The following SYTL3 variants were observed in gnomAD, a reference collection of about 807,000 sequenced individuals.
SYTL3 encodes the protein synaptotagmin-like protein 3.
SYTL3 carries 88 observed loss-of-function variants against 82.1 expected under a neutral mutation model. That is an observed-to-expected ratio of 1.07 (90% CI 0.90 to 1.28). SYTL3 has a LOEUF of 1.28. SYTL3 is among the 50% of genes most tolerant of loss of function. The pLI, the probability that SYTL3 is intolerant of heterozygous loss-of-function variation, is 0.00. For synonymous variants in SYTL3, 311 were observed against 289.4 expected, an observed-to-expected ratio of 1.07 and a Z score of -0.76; for missense variants, 831 against 757.6, an observed-to-expected ratio of 1.10 and a Z score of -1.14.
At chr6:158,727,259 C>T (rs1277616341) in intron 11 of SYTL3, among the ~76,000 whole-genome samples, 1 of 152,044 alleles carries the variant, frequency 6.6e-6, no homozygotes, top group East Asian at 1.9e-4. Flanking sequence ...ACTGCAGCCT[C>T]CGCCTCCCAG....
chr6:158,659,685 G>A (rs1335776781), intron 2 of SYTL3, among the ~76,000 whole-genome samples: 1 of 152,132 alleles, frequency 6.6e-6, no homozygotes, highest in East Asian at 1.9e-4. Context: ...TTTTGAGGAT[G>A]TCTTTCTGTA....
At chr6:158,736,887 G>GA (rs2128498573) in intron 11 of SYTL3, among the ~76,000 whole-genome samples, 1 of 152,114 alleles carries the variant, frequency 6.6e-6, no homozygotes, top group African/African-American at 2.4e-5. Context: ...ACAGGAATGA[G>GA]AGGGGATTTG....
At chr6:158,731,895 C>T (rs1056991299) in intron 11 of SYTL3, among the ~76,000 whole-genome samples, 1 of 152,108 alleles carries the variant, frequency 6.6e-6, no homozygotes, top group Non-Finnish European at 1.5e-5. Context: ...GCCTGGCCAA[C>T]ATAACTAAAT....
At chr6:158,752,612 G>A (rs199724087) in intron 13 of SYTL3, among the ~76,000 whole-genome samples, 2 of 152,232 alleles carry the variant, frequency 1.3e-5, no homozygotes, top group East Asian at 3.8e-4. Context: ...CTGATGTCGG[G>A]TGGAAGGCTG....
rs1473863597 is a variant in SYTL3, at chr6:158,749,505, CTCTTTTTTTTTTTT to C, written c.1035-2421_1035-2408del. ...GAAATGAACACCTTCTTTTCTTTCT[CTCTTTTTTTTTTTT>C]TTTTTTTTTTTTTAAGAAATGAGGT... On this transcript the variant is annotated intron_variant, in intron 12 of 17. Coordinates refer to ENST00000611299, the MANE Select transcript of SYTL3 (RefSeq NM_001242394.2). 4.1e-4 allele frequency among the ~76,000 whole-genome samples: 39 copies of C among 94,338 alleles called. 1 individual carries two copies. Among genetic ancestry groups the C allele is most frequent in the East Asian group, 3.6e-3 (16 of 4,402 alleles). The allele number at this position is 94,338 out of a possible 152,430, so 61.9% of individuals were successfully genotyped here.
At chr6:158,749,507 CTTTTTT>C (rs765386344) in intron 12 of SYTL3, among the ~76,000 whole-genome samples, 2 of 66,024 alleles carry the variant, frequency 3.0e-5, no homozygotes, top group Non-Finnish European at 5.5e-5. Context: ...TTCTTTCTCT[CTTTTTT>C]TTTTTTTTTT....
At chr6:158,703,153 T>TAGAAA in intron 6 of SYTL3, among the ~76,000 whole-genome samples, 1 of 94,876 alleles carries the variant, frequency 1.1e-5, no homozygotes, top group Non-Finnish European at 2.1e-5. Context: ...GACTCTGTCT[T>TAGAAA]AAAAAAAAAA....
At chr6:158,651,355 G>T (rs1480591747) in intron 1 of SYTL3, among the ~76,000 whole-genome samples, 1 of 152,130 alleles carries the variant, frequency 6.6e-6, no homozygotes, top group African/African-American at 2.4e-5. Flanking sequence ...CACTTTGGGA[G>T]GCCTAGGCGG....
chr6:158,715,557 C>CA (rs1436134900), intron 9 of SYTL3, among the ~76,000 whole-genome samples: 1 of 144,186 alleles, frequency 6.9e-6, no homozygotes, highest in Non-Finnish European at 1.5e-5. Context: ...AGCAAAACAG[C>CA]AAGCATCCCT....
At chr6:158,724,001 T>C (rs983891791) in intron 10 of SYTL3, among the ~76,000 whole-genome samples, 25 of 152,192 alleles carry the variant, frequency 1.6e-4, no homozygotes, top group African/African-American at 5.3e-4. Context: ...CCTCTCAGGC[T>C]TACCCCAGCC....
intron 5 of SYTL3, among the ~76,000 whole-genome samples, chr6:158,681,483 G>A (rs1223840457): frequency 1.3e-5 from 2 of 152,166 alleles, no homozygotes; most frequent in East Asian, 3.8e-4. Context: ...TTCGAGACCA[G>A]CTTGGCTGAC....
chr6:158,683,722 G>A (rs1778988288), intron 6 of SYTL3, among the ~76,000 whole-genome samples: 1 of 152,218 alleles, frequency 6.6e-6, no homozygotes, highest in South Asian at 2.1e-4. Context: ...TTAAAATCTT[G>A]TTAGCCCATA....
chr6:158,685,532 T>C lies in SYTL3; in HGVS notation c.394+2543T>C, dbSNP rs566271193. On this transcript the variant is annotated intron_variant, in intron 6 of 17. Coordinates refer to ENST00000611299, the MANE Select transcript of SYTL3 (RefSeq NM_001242394.2). ...CACTTTTGTGTTTCTTTAAAATACT[T>C]TTTTGACCGGGCCCGGTGGCTCACA... is the stretch of plus-strand genomic sequence containing the variant. Among the ~76,000 whole-genome samples, 7 of 152,012 alleles carry C rather than the reference T, an allele frequency of 4.6e-5. No individual in the cohort carries two copies. The East Asian group carries it at 1.4e-3, about 30-fold the overall frequency.
intron 6 of SYTL3, among the ~76,000 whole-genome samples, chr6:158,703,661 G>A (rs1168814997): frequency 6.6e-6 from 1 of 152,062 alleles, no homozygotes; most frequent in East Asian, 1.9e-4. Context: ...GGCTCTGCAG[G>A]CTGGAGGCTG....
intron 11 of SYTL3, among the ~76,000 whole-genome samples, chr6:158,738,426 C>T (rs1016479593): frequency 6.6e-6 from 1 of 152,184 alleles, no homozygotes; most frequent in Non-Finnish European, 1.5e-5. Context: ...AGTGACTCTT[C>T]TTTCCCCACC....
In SYTL3 at chr6:158,764,748, C is replaced by T. The variant is rs990295997; in HGVS notation, c.*144C>T. ...TCTGCGGCCCTGTCCCATGGCTTAA[C>T]CGCCTATTGGTATCTGTGTATATTT... On this transcript the variant is annotated 3_prime_UTR_variant, in exon 18 of 18. Coordinates refer to ENST00000611299, the MANE Select transcript of SYTL3 (RefSeq NM_001242394.2). 1 of 602,766 alleles carries T rather than the reference C, an allele frequency of 1.7e-6. No individual in the cohort carries two copies. Among genetic ancestry groups the T allele is most frequent in the Non-Finnish European group, 3.0e-6 (1 of 333,482 alleles). 37.3% of individuals were successfully genotyped at this position (602,766 alleles called of 1,614,324 possible). A position where few individuals can be genotyped will look rare whatever the true frequency, so the allele number is the denominator to read the frequency against.
chr6:158,720,967 A>G (rs1784041532), intron 10 of SYTL3, among the ~76,000 whole-genome samples: 1 of 152,010 alleles, frequency 6.6e-6, no homozygotes, highest in Non-Finnish European at 1.5e-5. Context: ...GGTCCTCGGC[A>G]CGCCCCCTCC....
Position 158,711,683 on chromosome 6 carries a change from A to T in SYTL3, c.517-2117A>T, listed in dbSNP as rs540188504. ...CTACTCCATAGACAGAACAGCCCTG[A>T]GGGCTGCTGGTTGCCCATTTTTATG... On this transcript the variant is annotated intron_variant, in intron 8 of 17. Coordinates refer to ENST00000611299, the MANE Select transcript of SYTL3 (RefSeq NM_001242394.2). Among the ~76,000 whole-genome samples, 33 of 152,344 alleles carry T rather than the reference A, an allele frequency of 2.2e-4. 1 individual carries two copies. In the Middle Eastern group the frequency reaches 0.01, roughly 47 times the overall value.
intron 6 of SYTL3, among the ~76,000 whole-genome samples, chr6:158,688,303 T>C (rs965627516): frequency 1.3e-5 from 2 of 152,206 alleles, no homozygotes; most frequent in Non-Finnish European, 2.9e-5. Context: ...GAATGATTGG[T>C]CAAGTGTATG....
Sources: allele counts gnomAD v4.1 joint callset (sites outside exome capture counted in the v4.1 genomes callset), GRCh38; gene constraint gnomAD v4.1.1; transcripts MANE v1.5; gene names NCBI Gene and HGNC (gene_info 2026-07-23, HGNC 2026-07-21).